The following NENF variants were observed in gnomAD, a reference collection of about 807,000 sequenced individuals.
The protein encoded by NENF is neudesin.
In NENF, 6 loss-of-function variants were observed where a neutral mutation model predicts 14.8. The ratio of observed to expected loss-of-function variants is 0.40; its 90% CI spans 0.22 to 0.80. NENF has a LOEUF of 0.80. NENF is among the 30% of genes least tolerant of loss of function. The pLI, the probability that NENF is intolerant of heterozygous loss-of-function variation, is 0.34. For missense variants in NENF, 184 were observed against 212.7 expected, an observed-to-expected ratio of 0.87 and a Z score of 0.84; for synonymous variants, 76 against 95.1, an observed-to-expected ratio of 0.80 and a Z score of 1.17.
chr1:212,440,710 T>C (rs1031462820), intron 1 of NENF, among the ~76,000 whole-genome samples: 1 of 152,208 alleles, frequency 6.6e-6, no homozygotes, highest in African/African-American at 2.4e-5. Flanking sequence ...TGAGTGGTTA[T>C]GAGGCAGTGA....
In NENF at chr1:212,445,895, A is replaced by AT. The variant is rs1662771392; in HGVS notation, c.409dup (p.Tyr137LeufsTer14). 6.2e-6 allele frequency: 10 copies of AT among 1,614,030 alleles called. No individual in the cohort carries two copies. Among genetic ancestry groups the AT allele is most frequent in the Non-Finnish European group, 6.8e-6 (8 of 1,180,026 alleles). On this transcript the variant is annotated frameshift_variant, in exon 4 of 4. Coordinates refer to ENST00000366988, the MANE Select transcript of NENF (RefSeq NM_013349.5). LOFTEE classifies it high-confidence loss of function. ...TCTTCACCAAAGTGTACAAAGCCAA[A>AT]TACCCCATCGTCGGCTACACTGCCC...
At chr1:212,434,438 T>G (rs1347887300) in intron 1 of NENF, among the ~76,000 whole-genome samples, 1 of 152,198 alleles carries the variant, frequency 6.6e-6, no homozygotes, top group Non-Finnish European at 1.5e-5. Flanking sequence ...ACACTGTATA[T>G]GCTAGGCAGA....
chr1:212,441,803 C>T (rs1211644132), intron 1 of NENF, among the ~76,000 whole-genome samples: 1 of 151,956 alleles, frequency 6.6e-6, no homozygotes, highest in Non-Finnish European at 1.5e-5. Context: ...AAAGATGGGG[C>T]CCCATGGAGC....
At chr1:212,438,066 A>T (rs999989748) in intron 1 of NENF, among the ~76,000 whole-genome samples, 8 of 152,132 alleles carry the variant, frequency 5.3e-5, no homozygotes, top group Non-Finnish European at 1.0e-4. Flanking sequence ...TAATTCTAGT[A>T]AGGGTTGTAC....
chr1:212,437,595 G>C (rs938024524), intron 1 of NENF, among the ~76,000 whole-genome samples: 2 of 152,094 alleles, frequency 1.3e-5, no homozygotes, highest in African/African-American at 2.4e-5. Flanking sequence ...CCACTGTGTG[G>C]TTCAAGGTGA....
In NENF at chr1:212,445,758, T is replaced by C. The variant is rs554751617; in HGVS notation, c.343-72T>C. The stretch of plus-strand genomic sequence containing the variant: ...AGGGATGTGGGAGGCAAGGCAGGGA[T>C]GGAGAAAGGCCAGTGCCAAACACTA... On this transcript the variant is annotated intron_variant, in intron 3 of 3. Coordinates refer to ENST00000366988, the MANE Select transcript of NENF (RefSeq NM_013349.5). The C allele has an allele frequency of 2.7e-6, 4 of 1,499,486 alleles. 1 individual carries two copies. The South Asian group carries it at 4.9e-5, about 18-fold the overall frequency. 92.9% of individuals were successfully genotyped at this position (1,499,486 alleles called of 1,614,324 possible). A position where few individuals can be genotyped will look rare whatever the true frequency, so the allele number is the denominator to read the frequency against.
At chr1:212,439,688 C>CAAA (rs1218927992) in intron 1 of NENF, among the ~76,000 whole-genome samples, 21,009 of 60,574 alleles carry the variant, frequency 0.35, 2,566 homozygotes, top group Non-Finnish European at 0.4. Flanking sequence ...ACTAAATATA[C>CAAA]AAAAAAAAAA....
chr1:212,437,796 C>T (rs771375672), intron 1 of NENF, among the ~76,000 whole-genome samples: 2 of 152,134 alleles, frequency 1.3e-5, no homozygotes, highest in Non-Finnish European at 2.9e-5. Context: ...TCCAAGGCTC[C>T]CTAAATCATT....
intron 1 of NENF, among the ~76,000 whole-genome samples, chr1:212,437,029 G>A (rs188094338): frequency 6.6e-6 from 1 of 152,032 alleles, no homozygotes; most frequent in Non-Finnish European, 1.5e-5. Context: ...GCCTGGAATA[G>A]GGCTTAGCAC....
rs1308834494 is a variant in NENF at position 212,444,458 on chromosome 1, A to T, written c.342+16A>T. 1.7e-5 allele frequency: 27 copies of T among 1,553,644 alleles called. No individual in the cohort carries two copies. Among genetic ancestry groups the T allele is most frequent in the Non-Finnish European group, 2.4e-5 (27 of 1,146,762 alleles). ...CCATGACACTGTGAGCCAGATTATA[A>T]GCCTTTGTAAAATCCTCTACCTCCT... On this transcript the variant is annotated intron_variant, in intron 3 of 3. Transcript: ENST00000366988.
chr1:212,438,388 A>G (rs1239508486), intron 1 of NENF, among the ~76,000 whole-genome samples: 2 of 152,222 alleles, frequency 1.3e-5, no homozygotes, highest in African/African-American at 4.8e-5. Context: ...AAGGCTTAGA[A>G]TCAGACAGGT....
intron 3 of NENF, among the ~76,000 whole-genome samples, chr1:212,445,538 C>A (rs142897333): frequency 1.2e-3 from 182 of 152,190 alleles, no homozygotes; most frequent in Non-Finnish European, 2.4e-3. Context: ...GATGCAGATG[C>A]AATAGGGCAT....
intron 1 of NENF, among the ~76,000 whole-genome samples, chr1:212,436,676 C>T (rs1432720194): frequency 6.6e-6 from 1 of 152,074 alleles, no homozygotes; most frequent in Non-Finnish European, 1.5e-5. Flanking sequence ...TTATATAAAG[C>T]CAATTGATTG....
intron 2 of NENF, among the ~76,000 whole-genome samples, chr1:212,443,969 T>G (rs1401253951): frequency 6.6e-6 from 1 of 152,050 alleles, no homozygotes; most frequent in Non-Finnish European, 1.5e-5. Context: ...GGAGAATTGC[T>G]TGAACCCGGG....
chr1:212,442,467 G>A, intron 1 of NENF, 98 bp from the exon 2 acceptor site: 3 of 953,146 alleles, frequency 3.1e-6, no homozygotes, highest in South Asian at 2.7e-5. Flanking sequence ...TTGACCCACT[G>A]CTCTTTGCTC....
chr1:212,444,080 G>A (rs1662737677), intron 2 of NENF, among the ~76,000 whole-genome samples: 1 of 151,974 alleles, frequency 6.6e-6, no homozygotes, highest in Admixed American at 6.6e-5. Context: ...GGTTGTAGGG[G>A]TACTATTCTC....
In NENF at chr1:212,432,936, C is replaced by G. The variant is rs1253020648; in HGVS notation, c.-8C>G. The stretch of plus-strand genomic sequence containing the variant: ...TGGCCCGGCCTTGCCTTGCGCTGCG[C>G]GCTCACCATGGTGGGCCCCGCGCCG... On this transcript the variant is annotated 5_prime_UTR_variant, in exon 1 of 4. Transcript: ENST00000366988. The G allele has an allele frequency of 2.7e-6, 2 of 749,750 alleles. No homozygotes were observed. The highest frequency in any genetic ancestry group is 3.8e-5 in the African/African-American group (2 of 53,046). 46.4% of individuals were successfully genotyped at this position (749,750 alleles called of 1,614,324 possible). A position where few individuals can be genotyped will look rare whatever the true frequency, so the allele number is the denominator to read the frequency against.
At chr1:212,440,688 G>A (rs1571703381) in intron 1 of NENF, among the ~76,000 whole-genome samples, 1 of 152,342 alleles carries the variant, frequency 6.6e-6, no homozygotes, top group South Asian at 2.1e-4. Flanking sequence ...ATGACAGGCA[G>A]AGAAGCAGGC....
At chr1:212,439,275 G>T (rs1662660783) in intron 1 of NENF, among the ~76,000 whole-genome samples, 2 of 151,998 alleles carry the variant, frequency 1.3e-5, no homozygotes, top group African/African-American at 4.8e-5. Context: ...GCTCACGCCT[G>T]TAATCCCAGC....
Sources: gnomAD v4.1 joint callset for allele counts (sites outside exome capture counted in the v4.1 genomes callset) on GRCh38, gnomAD v4.1.1 for gene constraint, MANE v1.5 for transcripts, NCBI Gene and HGNC (gene_info 2026-07-23, HGNC 2026-07-21) for gene names.